C1orf216: variants seen among roughly 807,000 people sequenced by gnomAD.
C1orf216 encodes the protein UPF0500 protein C1orf216.
Under a neutral mutation model 16.4 loss-of-function variants are expected in C1orf216, and 18 were observed. The ratio of observed to expected loss-of-function variants is 1.10; its 90% confidence interval spans 0.76 to 1.63. C1orf216 has a LOEUF of 1.63. Among genes scored for constraint, C1orf216 ranks in the 40% most tolerant of loss-of-function variants. The pLI is 0.00. For synonymous variants in C1orf216, 115 were observed against 116.9 expected (o/e 0.98, Z 0.11); for missense variants, 271 against 297.6 (o/e 0.91, Z 0.66).
chr1:35,715,302 C>T lies in C1orf216; in HGVS notation c.*330G>A. On this transcript the variant is annotated 3_prime_UTR_variant, in exon 2 of 2. Transcript: ENST00000270815. This position sits in a 1 kb window ranked among gnomAD's most constrained non-coding sequence, Gnocchi z 4.3. The stretch of plus-strand genomic sequence containing the variant: ...CTGCCTATACATCCTCACTCATGCG[C>T]ATATACACACACTGCTGGGTACCTG... The T allele has an allele frequency of 2.7e-6, 1 of 367,130 alleles. No homozygotes were observed. The highest frequency in any genetic ancestry group is 3.2e-5 in the South Asian group (1 of 31,488). 22.7% of individuals were successfully genotyped at this position (367,130 alleles called of 1,614,324 possible).
chr1:35,716,064 C>T lies in C1orf216; in HGVS notation c.258G>A (p.Glu86=), dbSNP rs745583148. 3.2e-5 allele frequency: 51 copies of T among 1,614,018 alleles called. No homozygotes were observed. Among genetic ancestry groups the T allele is most frequent in the Admixed American group, 5.0e-5 (3 of 60,010 alleles). Residue 86 remains glutamate, a synonymous_variant, in exon 2 of 2, where the codon GAG becomes GAA. Coordinates refer to ENST00000270815, the MANE Select transcript of C1orf216 (RefSeq NM_152374.2). ...SPEEGVRSPP[E]GAEIPGAEPE... ...GCTCAGCCCCGGGAATCTCTGCCCC[C>T]TCTGGGGGGCTGCGCACCCCTTCCT...
rs1640938573 is a variant in C1orf216 at position 35,715,605 on chromosome 1, C to T, written c.*27G>A. 2 of 1,585,238 alleles carry T rather than the reference C, an allele frequency of 1.3e-6. No homozygotes were observed. Among genetic ancestry groups the T allele is most frequent in the Non-Finnish European group, 1.7e-6 (2 of 1,164,278 alleles). On this transcript the variant is annotated 3_prime_UTR_variant, in exon 2 of 2. Coordinates refer to ENST00000270815, the MANE Select transcript of C1orf216 (RefSeq NM_152374.2). This position sits in a 1 kb window ranked among gnomAD's most constrained non-coding sequence, Gnocchi z 4.3. ...ACATGCCTGCAAATATATACATATACCCTTGCACACTTGTGGAGGCACACC... is the reference window on the plus strand; with the variant it reads ...ACATGCCTGCAAATATATACATATATCCTTGCACACTTGTGGAGGCACACC...
In C1orf216 at chr1:35,715,988, C is replaced by T. The variant is rs374369556; in HGVS notation, c.334G>A (p.Gly112Ser). 82 of 1,613,998 alleles carry T rather than the reference C, an allele frequency of 5.1e-5. 1 individual carries two copies. The South Asian group carries it at 7.1e-4, about 14-fold the overall frequency. The change falls in exon 2 of 2, where the codon GGC (glycine) becomes AGC (serine). Residue 112 changes from glycine (G) to serine (S), a missense_variant. Physicochemically the swap from Gly to Ser is moderately conservative, Grantham distance 56. This residue lies in a region of C1orf216 where 220 missense variants were observed against 227.8 expected (regional missense o/e 0.97). Coordinates refer to ENST00000270815, the MANE Select transcript of C1orf216 (RefSeq NM_152374.2). This position sits in a 1 kb window ranked among gnomAD's most constrained non-coding sequence, Gnocchi z 4.3. ...ATGCTCAGGGAACTGCTGGCATAGC[C>T]GTTGTCCTCCAGAGGGGAGCAGACT... ...GTVCSPLEDN[G>S]YASSSLSIDS... is the part of the protein sequence containing the mutation.
At chr1:35,718,498 T>C (rs1275272995) in intron 1 of C1orf216, among the ~76,000 whole-genome samples, 2 of 151,872 alleles carry the variant, frequency 1.3e-5, no homozygotes, top group East Asian at 1.9e-4. Flanking sequence ...TTCTCAGAGA[T>C]AGTAAAATGA....
At chr1:35,717,681 C>T (rs745648335) in intron 1 of C1orf216, among the ~76,000 whole-genome samples, 1 of 152,146 alleles carries the variant, frequency 6.6e-6, no homozygotes, top group Non-Finnish European at 1.5e-5. Flanking sequence ...CATACATGGT[C>T]GACGATCAGT....
chr1:35,716,277 C>T lies in C1orf216; in HGVS notation c.45G>A (p.Leu15=). The change falls in exon 2 of 2, where the codon CTG becomes CTA. Residue 15 remains leucine, a synonymous_variant. Transcript: ENST00000270815. ...QPGLAEGGQF[L]GDPPPGLCQP... ...GACATAATCCAGGAGGTGGGTCCCC[C>T]AGGAATTGGCCCCCCTCAGCTAGCC... 6 of 1,614,068 alleles carry T rather than the reference C, an allele frequency of 3.7e-6. No individual in the cohort carries two copies. Among genetic ancestry groups the T allele is most frequent in the Non-Finnish European group, 5.1e-6 (6 of 1,179,928 alleles).
intron 1 of C1orf216, 39 bp downstream of exon 1, chr1:35,718,668 C>CA (rs1640993412): frequency 6.6e-6 from 1 of 152,426 alleles, no homozygotes; most frequent in Non-Finnish European, 1.5e-5. Flanking sequence ...GGCTGAGCCC[C>CA]AAGCCCCACC....
intron 1 of C1orf216, 141 bp from the exon 2 acceptor site, chr1:35,716,467 A>G (rs1412351994): frequency 2.8e-6 from 2 of 713,928 alleles, no homozygotes; most frequent in East Asian, 2.7e-5. Flanking sequence ...CTCTGGTAAC[A>G]CTTCCCTTCG....
chr1:35,714,047 G>A lies in C1orf216; in HGVS notation c.*1585C>T, dbSNP rs968423907. 3.3e-5 allele frequency: 5 copies of A among 152,008 alleles called. No individual in the cohort carries two copies. The highest frequency in any genetic ancestry group is 6.6e-5 in the Admixed American group (1 of 15,246). The allele number at this position is 152,008 out of a possible 1,614,324, so 9.4% of individuals were successfully genotyped here. A position where few individuals can be genotyped will look rare whatever the true frequency, so the allele number is the denominator to read the frequency against. On this transcript the variant is annotated 3_prime_UTR_variant, in exon 2 of 2. Transcript: ENST00000270815. Reference sequence around the variant, plus strand: ...ATGAAACTCTTTAGAGATAGGAAGAGCCCCCCACTTTGCCGATAGGGAGAC... The same window carrying A: ...ATGAAACTCTTTAGAGATAGGAAGAACCCCCCACTTTGCCGATAGGGAGAC...
Position 35,715,832 on chromosome 1 carries a change from C to A in C1orf216, c.490G>T (p.Glu164Ter), listed in dbSNP as rs1467056407. 1 of 1,614,136 alleles carries A rather than the reference C, an allele frequency of 6.2e-7. No individual in the cohort carries two copies. Among genetic ancestry groups the A allele is most frequent in the African/African-American group, 1.3e-5 (1 of 74,954 alleles). The part of the protein sequence containing the change: ...LQVQERYKEQ[E>*]KEKHHVHLVM... ...AAGTGCACGTGGTGCTTTTCCTTCT[C>A]CTGCTCTTTGTAGCGCTCCTGGACT... The change falls in exon 2 of 2, where the codon GAG becomes TAG. Residue 164 changes from glutamate to a stop codon, truncating the protein, a stop_gained. Coordinates refer to ENST00000270815, the MANE Select transcript of C1orf216 (RefSeq NM_152374.2). LOFTEE classifies it high-confidence loss of function. This position sits in a 1 kb window ranked among gnomAD's most constrained non-coding sequence, Gnocchi z 4.3.
At chr1:35,717,553 C>G (rs1387652608) in intron 1 of C1orf216, among the ~76,000 whole-genome samples, 1 of 152,142 alleles carries the variant, frequency 6.6e-6, no homozygotes, top group Non-Finnish European at 1.5e-5. Context: ...GTCTCTGAAG[C>G]CGTCTTGATA....
chr1:35,717,958 C>G (rs142479973), intron 1 of C1orf216, among the ~76,000 whole-genome samples: 2 of 152,226 alleles, frequency 1.3e-5, no homozygotes, highest in African/African-American at 4.8e-5. Context: ...GGGTTTGGTT[C>G]CCTTTCCTAC....
intron 1 of C1orf216, among the ~76,000 whole-genome samples, chr1:35,717,803 C>A (rs1392791967): frequency 6.6e-6 from 1 of 152,166 alleles, no homozygotes; most frequent in African/African-American, 2.4e-5. Context: ...CCAGAGTCAG[C>A]CAGCATAGAG....
At position 35,715,869 on chromosome 1, in the gene C1orf216, C is replaced by T; in HGVS notation, c.453G>A (p.Val151=). The change falls in exon 2 of 2, where the codon GTG becomes GTA. Residue 151 remains valine (V), a synonymous_variant. Transcript: ENST00000270815. This position sits in a 1 kb window ranked among gnomAD's most constrained non-coding sequence, Gnocchi z 4.3. ...DPLLPSVAQA[V]QHLQVQERYK... ...AGCGCTCCTGGACTTGTAAGTGCTGCACAGCCTGGGCCACTGAGGGCAGAA... is the reference window on the plus strand; with the variant it reads ...AGCGCTCCTGGACTTGTAAGTGCTGTACAGCCTGGGCCACTGAGGGCAGAA... 1 of 1,614,238 alleles carries T rather than the reference C, an allele frequency of 6.2e-7. No individual in the cohort carries two copies. The highest frequency in any genetic ancestry group is 8.5e-7 in the Non-Finnish European group (1 of 1,180,040).
chr1:35,715,587 T>A lies in C1orf216; in HGVS notation c.*45A>T. On this transcript the variant is annotated 3_prime_UTR_variant, in exon 2 of 2. Transcript: ENST00000270815. This position sits in a 1 kb window ranked among gnomAD's most constrained non-coding sequence, Gnocchi z 4.3. ...CTTACTAGTGCGCCTCACACATGCC[T>A]GCAAATATATACATATACCCTTGCA... 1 of 1,545,898 alleles carries A rather than the reference T, an allele frequency of 6.5e-7. No homozygotes were observed. The highest frequency in any genetic ancestry group is 2.3e-5 in the East Asian group (1 of 44,188).
rs1399577768 is a variant in C1orf216 at position 35,714,359 on chromosome 1, C to T, written c.*1273G>A. 1 of 152,218 alleles carries T rather than the reference C, an allele frequency of 6.6e-6. No homozygotes were observed. Among genetic ancestry groups the T allele is most frequent in the Non-Finnish European group, 1.5e-5 (1 of 68,060 alleles). The allele number at this position is 152,218 out of a possible 1,614,324, so 9.4% of individuals were successfully genotyped here. The stretch of plus-strand genomic sequence containing the variant: ...GGCTGACACTGTCCCCTTCACATCC[C>T]AGAAAGCCAACCTCTGGCTCCTCCT... On this transcript the variant is annotated 3_prime_UTR_variant, in exon 2 of 2. Transcript: ENST00000270815.
Position 35,716,142 on chromosome 1 carries a change from G to C in C1orf216, c.180C>G (p.Ser60Arg). 1.2e-6 allele frequency: 2 copies of C among 1,614,256 alleles called. No homozygotes were observed. Among genetic ancestry groups the C allele is most frequent in the Non-Finnish European group, 1.7e-6 (2 of 1,180,036 alleles). The part of the protein sequence containing the change: ...PGRVEPILRR[S>R]SSESPSDNQA... ...GGTTGTCAGAGGGTGACTCAGAGGA[G>C]CTCCTCCTCAGGATAGGTTCCACTC... The change falls in exon 2 of 2, where the codon AGC (serine) becomes AGG (arginine). Residue 60 changes from serine (S) to arginine (R), a missense_variant. By Grantham distance (110) the Ser-to-Arg change is moderately radical. Transcript: ENST00000270815.
At position 35,714,108 on chromosome 1, in the gene C1orf216, A is replaced by G. The variant is rs1640912439; in HGVS notation, c.*1524T>C. On this transcript the variant is annotated 3_prime_UTR_variant, in exon 2 of 2. Transcript: ENST00000270815. ...AGGCTGCATCAGTGACTTCCATGCC[A>G]CTGTTCACCCACCAGTGTCCCCTCT... 6.6e-6 allele frequency: 1 copy of G among 152,096 alleles called. No individual in the cohort carries two copies. Among genetic ancestry groups the G allele is most frequent in the Non-Finnish European group, 1.5e-5 (1 of 68,042 alleles). 9.4% of individuals were successfully genotyped at this position (152,096 alleles called of 1,614,324 possible).
chr1:35,716,145 C>T lies in C1orf216; in HGVS notation c.177G>A (p.Arg59=), dbSNP rs564165184. ...MPGRVEPILR[R]SSSESPSDNQ... ...TGTCAGAGGGTGACTCAGAGGAGCT[C>T]CTCCTCAGGATAGGTTCCACTCTGC... Residue 59 remains arginine, a synonymous_variant, in exon 2 of 2, where the codon AGG becomes AGA. Coordinates refer to ENST00000270815, the MANE Select transcript of C1orf216 (RefSeq NM_152374.2). 2 of 1,614,112 alleles carry T rather than the reference C, an allele frequency of 1.2e-6. No homozygotes were observed. The highest frequency in any genetic ancestry group is 1.7e-6 in the Non-Finnish European group (2 of 1,180,036).
Sources: allele counts gnomAD v4.1 joint callset (sites outside exome capture counted in the v4.1 genomes callset), GRCh38; gene constraint gnomAD v4.1.1; regional missense constraint gnomAD v4.1.1; non-coding constraint Gnocchi (gnomAD v3.1); transcripts MANE v1.5; gene names NCBI Gene and HGNC (gene_info 2026-07-23, HGNC 2026-07-21).